The following SLC39A12 variants were observed in gnomAD, a reference collection of about 807,000 sequenced individuals.
The protein encoded by SLC39A12 is solute carrier family 39 member 12, also known as zinc transporter ZIP12.
Under a neutral mutation model 71.1 loss-of-function variants are expected in SLC39A12, and 63 were observed. The ratio of observed to expected loss-of-function variants is 0.89; its 90% CI spans 0.72 to 1.09. SLC39A12 has a LOEUF of 1.09. Ranked by LOEUF, SLC39A12 falls within the 50% of genes least tolerant of loss-of-function variation. SLC39A12 has a pLI of 0.00. For synonymous variants in SLC39A12, 351 were observed against 301.3 expected (o/e 1.16, Z -1.71); for missense variants, 892 against 812.6 (o/e 1.10, Z -1.19).
chr10:18,033,792 C>T (rs1376872471), intron 12 of SLC39A12, among the ~76,000 whole-genome samples: 1 of 149,428 alleles, frequency 6.7e-6, no homozygotes. Context: ...GCATTTAGTG[C>T]TATAAATTTC....
At position 18,028,039 on chromosome 10, in the gene SLC39A12, A is replaced by T. The variant is rs529941530; in HGVS notation, c.1948-14666A>T. Among the ~76,000 whole-genome samples the T allele has an allele frequency of 7.4e-4, 112 of 152,308 alleles. 1 individual carries two copies. Among genetic ancestry groups the T allele is most frequent in the African/African-American group, 2.6e-3 (109 of 41,570 alleles). Reference sequence around the variant, plus strand: ...AACATGGTTCTGCTTATCAAATGCAAATGTATACCTGCCTCCGTGTGCACA... The same window carrying T: ...AACATGGTTCTGCTTATCAAATGCATATGTATACCTGCCTCCGTGTGCACA... On this transcript the variant is annotated intron_variant, in intron 12 of 12. Transcript: ENST00000377369.
At chr10:18,011,800 C>T (rs1278127039) in intron 12 of SLC39A12, among the ~76,000 whole-genome samples, 2 of 152,064 alleles carry the variant, frequency 1.3e-5, no homozygotes, top group African/African-American at 2.4e-5. Flanking sequence ...TCACAGTTTT[C>T]AAAAAAATGT....
rs201479456 is a variant in SLC39A12, at chr10:17,991,270, A to C, written c.1389A>C (p.Lys463Asn). Reference protein sequence around the residue: ...GGIHGFFLIEKCFILLVSPND... With the variant: ...GGIHGFFLIENCFILLVSPND... ...TCCATGGATTTTTCTTGATAGAAAA[A>C]TGTTTTATTCTTCTTGTATCACCAA... The change falls in exon 8 of 13, where the codon AAA becomes AAC. Residue 463 changes from lysine (K) to asparagine (N), a missense_variant. Physicochemically the swap from Lys to Asn is moderately conservative, Grantham distance 94 (BLOSUM62 0). Transcript: ENST00000377369. The C allele has an allele frequency of 6.3e-7, 1 of 1,598,534 alleles. No individual in the cohort carries two copies. The highest frequency in any genetic ancestry group is 8.5e-7 in the Non-Finnish European group (1 of 1,175,328).
At position 18,003,316 on chromosome 10, in the gene SLC39A12, A is replaced by C; in HGVS notation, c.1905A>C (p.Thr635=). 6.2e-7 allele frequency: 1 copy of C among 1,614,040 alleles called. No homozygotes were observed. The highest frequency in any genetic ancestry group is 8.5e-7 in the Non-Finnish European group (1 of 1,179,994). Residue 635 remains threonine, a synonymous_variant, in exon 12 of 13, where the codon ACA becomes ACC. Transcript: ENST00000377369. ...CATGTGTTCAAGACTGGATCTTCAC[A>C]GTCACTGCTGGGATGTTCTTATATT... is the stretch of plus-strand genomic sequence containing the variant. ...ADPCVQDWIF[T]VTAGMFLYLS...
At chr10:18,020,260 G>A (rs1836495235) in intron 12 of SLC39A12, among the ~76,000 whole-genome samples, 2 of 152,092 alleles carry the variant, frequency 1.3e-5, no homozygotes, top group South Asian at 4.2e-4. Context: ...TAGGATAACG[G>A]CCACCAGTTT....
At chr10:18,042,232 C>G (rs750221995) in intron 12 of SLC39A12, among the ~76,000 whole-genome samples, 1 of 152,132 alleles carries the variant, frequency 6.6e-6, no homozygotes. Flanking sequence ...AGCCCCAGCA[C>G]TTTGGGAGGC....
intron 4 of SLC39A12, among the ~76,000 whole-genome samples, chr10:17,969,907 A>G (rs987370991): frequency 1.4e-4 from 22 of 152,190 alleles, no homozygotes; most frequent in African/African-American, 5.3e-4. Context: ...GTAGTATTTC[A>G]TAGTCTGAAA....
intron 10 of SLC39A12, among the ~76,000 whole-genome samples, chr10:17,997,114 A>G (rs80319646): frequency 0.077 from 11,664 of 152,236 alleles, 1,061 homozygotes; most frequent in East Asian, 0.22. Flanking sequence ...TTCATGCATC[A>G]ATGCATTCTT....
chr10:17,970,670 TAGTTTG>T (rs1564641852), intron 4 of SLC39A12, among the ~76,000 whole-genome samples: 1 of 130,070 alleles, frequency 7.7e-6, no homozygotes, highest in African/African-American at 3.1e-5. Context: ...TCAGTTCTAA[TAGTTTG>T]TGTGTGTGTG....
intron 12 of SLC39A12, among the ~76,000 whole-genome samples, chr10:18,034,930 A>C (rs561068874): frequency 0.022 from 3,336 of 152,118 alleles, 45 homozygotes; most frequent in South Asian, 0.043. Context: ...TGGATATGAA[A>C]TTCTGGATTG....
Position 17,981,303 on chromosome 10 carries a change from C to G in SLC39A12, c.925-9C>G, listed in dbSNP as rs368238099. ...AGATTAGTAACAATGTTATGTTTTCCTCACACAGACCTGCTTCTCTGCTAG... is the reference window on the plus strand; with the variant it reads ...AGATTAGTAACAATGTTATGTTTTCGTCACACAGACCTGCTTCTCTGCTAG... On this transcript the variant is annotated splice_polypyrimidine_tract_variant and intron_variant, in intron 5 of 12. Coordinates refer to ENST00000377369, the MANE Select transcript of SLC39A12 (RefSeq NM_001145195.2). 1.4e-5 allele frequency: 22 copies of G among 1,591,558 alleles called. No homozygotes were observed. The highest frequency in any genetic ancestry group is 1.8e-5 in the Non-Finnish European group (21 of 1,167,054).
At chr10:18,016,135 C>T (rs1227396585) in intron 12 of SLC39A12, among the ~76,000 whole-genome samples, 1 of 152,152 alleles carries the variant, frequency 6.6e-6, no homozygotes, top group African/African-American at 2.4e-5. Flanking sequence ...CACATACTCA[C>T]CATTGTATCA....
At chr10:18,027,499 G>A (rs1407081092) in intron 12 of SLC39A12, among the ~76,000 whole-genome samples, 1 of 152,212 alleles carries the variant, frequency 6.6e-6, no homozygotes, top group Non-Finnish European at 1.5e-5. Flanking sequence ...GGAGCTCCTG[G>A]AGGTAAAACT....
chr10:18,013,091 G>T (rs939624440), intron 12 of SLC39A12, among the ~76,000 whole-genome samples: 1 of 151,234 alleles, frequency 6.6e-6, no homozygotes, highest in African/African-American at 2.4e-5. Context: ...TAACCTAAAT[G>T]GTGCTTTATT....
At position 18,015,117 on chromosome 10, in the gene SLC39A12, T is replaced by G. The variant is rs189323916; in HGVS notation, c.1947+11759T>G. ...AAGTTGTGATCTCATAGATGAGTTTTTCAGTAAATTTTCTTGGAGACACTG... is the reference window on the plus strand; with the variant it reads ...AAGTTGTGATCTCATAGATGAGTTTGTCAGTAAATTTTCTTGGAGACACTG... On this transcript the variant is annotated intron_variant, in intron 12 of 12. Transcript: ENST00000377369. Among the ~76,000 whole-genome samples, 62 of 152,308 alleles carry G rather than the reference T, an allele frequency of 4.1e-4. 2 individuals carry two copies. Among genetic ancestry groups the G allele is most frequent in the Admixed American group, 3.6e-3 (55 of 15,288 alleles).
chr10:18,035,347 C>A (rs548163237), intron 12 of SLC39A12, among the ~76,000 whole-genome samples: 1,806 of 136,264 alleles, frequency 0.013, 19 homozygotes, highest in South Asian at 0.026. Flanking sequence ...TTGCTCATTT[C>A]TTTTTATTCT....
At chr10:17,974,824 C>G (rs1314986232) in intron 4 of SLC39A12, among the ~76,000 whole-genome samples, 2 of 152,270 alleles carry the variant, frequency 1.3e-5, no homozygotes, top group East Asian at 3.9e-4. Context: ...GTGAAGCCAG[C>G]CAGGCTTGTG....
chr10:18,040,141 C>G (rs1028162486), intron 12 of SLC39A12, among the ~76,000 whole-genome samples: 2 of 152,164 alleles, frequency 1.3e-5, no homozygotes, highest in Non-Finnish European at 2.9e-5. Flanking sequence ...AGTCACTTTA[C>G]TACAAAATTG....
At chr10:17,974,980 G>C (rs931187708) in intron 4 of SLC39A12, among the ~76,000 whole-genome samples, 1 of 152,182 alleles carries the variant, frequency 6.6e-6, no homozygotes, top group Admixed American at 6.5e-5. Flanking sequence ...ATCACAAGAC[G>C]TAGTCCTTCT....
Sources: gnomAD v4.1 joint callset for allele counts (sites outside exome capture counted in the v4.1 genomes callset) on GRCh38, gnomAD v4.1.1 for gene constraint, MANE v1.5 for transcripts, NCBI Gene and HGNC (gene_info 2026-07-23, HGNC 2026-07-21) for gene names.